ZIC2: variants seen among roughly 807,000 people sequenced by gnomAD.
ZIC2 encodes zinc finger protein ZIC 2.
ZIC2 carries 7 observed loss-of-function variants against 29.5 expected under a neutral mutation model. The observed-to-expected ratio is 0.24, with a 90% CI of 0.14 to 0.45. ZIC2 has a LOEUF of 0.45. ZIC2 is among the 20% of genes least tolerant of loss of function. The pLI is 1.00. For missense variants in ZIC2, 589 were observed against 781.2 expected, an observed-to-expected ratio of 0.75 and a Z score of 2.93; for synonymous variants, 408 against 354.2, an observed-to-expected ratio of 1.15 and a Z score of -1.70.
rs1342269270 is a variant in ZIC2 at position 99,986,546 on chromosome 13, ACC to A, written c.*866_*867del. On this transcript the variant is annotated 3_prime_UTR_variant, in exon 3 of 3. Transcript: ENST00000376335. The stretch of plus-strand genomic sequence containing the variant: ...TAATAACACCCTTCCTTCTGTAAAT[ACC>A]CGTTACCATATTTATCCATTTGTAA... 6.5e-6 allele frequency: 1 copy of A among 153,342 alleles called. No individual in the cohort carries two copies. The highest frequency in any genetic ancestry group is 1.5e-5 in the Non-Finnish European group (1 of 68,582). The allele number at this position is 153,342 out of a possible 1,614,324, so 9.5% of individuals were successfully genotyped here. A position where few individuals can be genotyped will look rare whatever the true frequency, so the allele number is the denominator to read the frequency against.
chr13:99,982,342 C>T lies in ZIC2; in HGVS notation c.278C>T (p.Ala93Val). The T allele has an allele frequency of 1.4e-6, 2 of 1,466,068 alleles. No individual in the cohort carries two copies. The highest frequency in any genetic ancestry group is 1.8e-6 in the Non-Finnish European group (2 of 1,111,728). 90.8% of individuals were successfully genotyped at this position (1,466,068 alleles called of 1,614,324 possible). A position where few individuals can be genotyped will look rare whatever the true frequency, so the allele number is the denominator to read the frequency against. ...TACCCCGGCTCCGCTGCGGCTGCCGCTGCGGCCGCAGCGCTCGGGCCCCAC... is the reference window on the plus strand; with the variant it reads ...TACCCCGGCTCCGCTGCGGCTGCCGTTGCGGCCGCAGCGCTCGGGCCCCAC... Reference protein sequence around the residue: ...GAYPGSAAAAAAAAALGPHAA... With the variant: ...GAYPGSAAAAVAAAALGPHAA... Residue 93 changes from alanine to valine, a missense_variant, in exon 1 of 3, where the codon GCT becomes GTT. By Grantham distance (64) the Ala-to-Val change is moderately conservative. Transcript: ENST00000376335.
At chr13:99,984,646 A>T (rs1010329195) in intron 1 of ZIC2, 12 of 425,736 alleles carry the variant, frequency 2.8e-5, no homozygotes, top group African/African-American at 2.4e-4. Flanking sequence ...AGAAGCTGCA[A>T]ATCCAAGAAG....
Position 99,986,184 on chromosome 13 carries a change from A to G in ZIC2, c.*502A>G, listed in dbSNP as rs2053268840. Reference sequence around the variant, plus strand: ...GATGGGCTTTCTCTTTTCTCTTTTTAGTTTACCCGGTTTCTTTTTAAGTAA... The same window carrying G: ...GATGGGCTTTCTCTTTTCTCTTTTTGGTTTACCCGGTTTCTTTTTAAGTAA... On this transcript the variant is annotated 3_prime_UTR_variant, in exon 3 of 3. Coordinates refer to ENST00000376335, the MANE Select transcript of ZIC2 (RefSeq NM_007129.5). 3.0e-6 allele frequency: 1 copy of G among 328,148 alleles called. No homozygotes were observed. The allele number at this position is 328,148 out of a possible 1,614,324, so 20.3% of individuals were successfully genotyped here.
At position 99,985,487 on chromosome 13, in the gene ZIC2, G is replaced by GGCC; in HGVS notation, c.1407_1409dup (p.Ala470dup). On this transcript the variant is annotated inframe_insertion, in exon 3 of 3. Transcript: ENST00000376335. The surrounding 1 kb of genome is among the most constrained non-coding windows in gnomAD (Gnocchi z 6.3). ...CGGCGGCGGCGGCTGCGGCGGCGGC[G>GGCC]GCCGCGGTGTCCGCGGTGCACCGGG... 1 of 1,251,448 alleles carries GGCC rather than the reference G, an allele frequency of 8.0e-7. No homozygotes were observed. The highest frequency in any genetic ancestry group is 9.9e-7 in the Non-Finnish European group (1 of 1,005,930). The allele number at this position is 1,251,448 out of a possible 1,614,324, so 77.5% of individuals were successfully genotyped here.
intron 1 of ZIC2, 77 bp from the exon 2 acceptor site, chr13:99,984,869 C>T (rs1006924617): frequency 1.1e-5 from 18 of 1,598,434 alleles, no homozygotes; most frequent in Non-Finnish European, 1.5e-5. Flanking sequence ...CGCCGCGGCC[C>T]AGCCCCCTCG....
chr13:99,984,630 C>T (rs2053253951), intron 1 of ZIC2: 2 of 401,858 alleles, frequency 5.0e-6, no homozygotes, highest in Non-Finnish European at 9.4e-6. Flanking sequence ...GCGAGAGCAA[C>T]TTGTTAGAAG....
Position 99,982,822 on chromosome 13 carries a change from A to G in ZIC2, c.758A>G (p.Lys253Arg), listed in dbSNP as rs1341541369. 1.2e-6 allele frequency: 2 copies of G among 1,612,870 alleles called. No individual in the cohort carries two copies. Among genetic ancestry groups the G allele is most frequent in the Non-Finnish European group, 8.5e-7 (1 of 1,180,024 alleles). ...FFRYMRQQCIKQELICKWIDP... is the reference protein window; with the variant it reads ...FFRYMRQQCIRQELICKWIDP... Reference sequence around the variant, plus strand: ...CGCTATATGCGGCAGCAGTGCATCAAGCAGGAGCTAATCTGCAAGTGGATC... The same window carrying G: ...CGCTATATGCGGCAGCAGTGCATCAGGCAGGAGCTAATCTGCAAGTGGATC... Residue 253 changes from lysine (K) to arginine (R), a missense_variant, in exon 1 of 3, where the codon AAG becomes AGG. Lys to Arg is a conservative substitution (Grantham distance 26, BLOSUM62 2). Transcript: ENST00000376335.
chr13:99,985,448 A>AGCGGCG lies in ZIC2; in HGVS notation c.1371_1376dup (p.Ala469_Ala470dup). On this transcript the variant is annotated inframe_insertion, in exon 3 of 3. Transcript: ENST00000376335. This position sits in a 1 kb window ranked among gnomAD's most constrained non-coding sequence, Gnocchi z 6.3. ...CCCAGAGCAGCTCCAACCTGTCCCC[A>AGCGGCG]GCGGCGGCGGCAGCGGCGGCGGCGG... The AGCGGCG allele has an allele frequency of 7.1e-7, 1 of 1,417,620 alleles. No individual in the cohort carries two copies. Among genetic ancestry groups the AGCGGCG allele is most frequent in the Non-Finnish European group, 9.1e-7 (1 of 1,094,114 alleles). The allele number at this position is 1,417,620 out of a possible 1,614,324, so 87.8% of individuals were successfully genotyped here.
In ZIC2 at chr13:99,986,066, T is replaced by G. The variant is rs778485507; in HGVS notation, c.*384T>G. ...ACTCCTCCTTTCTCCTCCGAGGTGGTTTTAAAGGCTTTTTGGTGTATAGAA... is the reference window on the plus strand; with the variant it reads ...ACTCCTCCTTTCTCCTCCGAGGTGGGTTTAAAGGCTTTTTGGTGTATAGAA... On this transcript the variant is annotated 3_prime_UTR_variant, in exon 3 of 3. Transcript: ENST00000376335. 2.2e-6 allele frequency: 1 copy of G among 455,434 alleles called. No individual in the cohort carries two copies. The highest frequency in any genetic ancestry group is 2.0e-5 in the African/African-American group (1 of 50,016). The allele number at this position is 455,434 out of a possible 1,614,324, so 28.2% of individuals were successfully genotyped here.
rs1320552521 is a variant in ZIC2, at chr13:99,985,944, C to A, written c.*262C>A. ...CAAATAAAAAATAAAAAAATAAAAACCCACAAAAATGTTGAACCAAACCTC... is the reference window on the plus strand; with the variant it reads ...CAAATAAAAAATAAAAAAATAAAAAACCACAAAAATGTTGAACCAAACCTC... On this transcript the variant is annotated 3_prime_UTR_variant, in exon 3 of 3. Coordinates refer to ENST00000376335, the MANE Select transcript of ZIC2 (RefSeq NM_007129.5). This position sits in a 1 kb window ranked among gnomAD's most constrained non-coding sequence, Gnocchi z 6.3. 7 of 389,004 alleles carry A rather than the reference C, an allele frequency of 1.8e-5. No individual in the cohort carries two copies. Among genetic ancestry groups the A allele is most frequent in the Admixed American group, 3.7e-5 (1 of 27,196 alleles). 24.1% of individuals were successfully genotyped at this position (389,004 alleles called of 1,614,324 possible). A position where few individuals can be genotyped will look rare whatever the true frequency, so the allele number is the denominator to read the frequency against.
chr13:99,985,494 G>A lies in ZIC2; in HGVS notation c.1411G>A (p.Val471Met). 8.2e-7 allele frequency: 1 copy of A among 1,216,662 alleles called. No homozygotes were observed. Among genetic ancestry groups the A allele is most frequent in the Non-Finnish European group, 1.0e-6 (1 of 985,206 alleles). The allele number at this position is 1,216,662 out of a possible 1,614,324, so 75.4% of individuals were successfully genotyped here. A position where few individuals can be genotyped will look rare whatever the true frequency, so the allele number is the denominator to read the frequency against. The change falls in exon 3 of 3, where the codon GTG (valine) becomes ATG (methionine). Residue 471 changes from valine (V) to methionine (M), a missense_variant. By Grantham distance (21) the Val-to-Met change is conservative. Transcript: ENST00000376335. The surrounding 1 kb of genome is among the most constrained non-coding windows in gnomAD (Gnocchi z 6.3). ...GGCGGCTGCGGCGGCGGCGGCCGCG[G>A]TGTCCGCGGTGCACCGGGGCGGAGG... ...AAAAAAAAAA[V>M]SAVHRGGGSG...
Position 99,982,142 on chromosome 13 carries a change from G to T in ZIC2, c.78G>T (p.Ala26=). 1 of 1,291,248 alleles carries T rather than the reference G, an allele frequency of 7.7e-7. No individual in the cohort carries two copies. Among genetic ancestry groups the T allele is most frequent in the Non-Finnish European group, 9.8e-7 (1 of 1,021,486 alleles). The allele number at this position is 1,291,248 out of a possible 1,614,324, so 80.0% of individuals were successfully genotyped here. A position where few individuals can be genotyped will look rare whatever the true frequency, so the allele number is the denominator to read the frequency against. ...CGCGCCACCATCACCACTCCGCCGC[G>T]GCGGCGGCGGCGGCTGCCGCCGAGA... ...SFARHHHHSA[A]AAAAAAAEMQ... The change falls in exon 1 of 3, where the codon GCG becomes GCT. Residue 26 remains alanine, a synonymous_variant. Coordinates refer to ENST00000376335, the MANE Select transcript of ZIC2 (RefSeq NM_007129.5).
chr13:99,982,156 C>T lies in ZIC2; in HGVS notation c.92C>T (p.Ala31Val), dbSNP rs1262984987. Residue 31 changes from alanine (A) to valine (V), a missense_variant, in exon 1 of 3, where the codon GCT (alanine) becomes GTT (valine). Physicochemically the swap from Ala to Val is moderately conservative, Grantham distance 64. Coordinates refer to ENST00000376335, the MANE Select transcript of ZIC2 (RefSeq NM_007129.5). ...CACTCCGCCGCGGCGGCGGCGGCGG[C>T]TGCCGCCGAGATGCAGGACCGTGAA... ...HHHSAAAAAA[A>V]AAEMQDRELS... 3 of 1,348,212 alleles carry T rather than the reference C, an allele frequency of 2.2e-6. No individual in the cohort carries two copies. The highest frequency in any genetic ancestry group is 1.9e-5 in the South Asian group (1 of 51,860). The allele number at this position is 1,348,212 out of a possible 1,614,324, so 83.5% of individuals were successfully genotyped here.
intron 1 of ZIC2, chr13:99,984,294 G>A (rs2152163243): frequency 6.4e-6 from 1 of 155,332 alleles, no homozygotes; most frequent in South Asian, 2.0e-4. Flanking sequence ...GGTTTTGAAA[G>A]GCTTTGCTGA....
In ZIC2 at chr13:99,982,602, C is replaced by T. The variant is rs1390053708; in HGVS notation, c.538C>T (p.Arg180Cys). Residue 180 changes from arginine (R) to cysteine (C), a missense_variant, in exon 1 of 3, where the codon CGC (arginine) becomes TGC (cysteine). Coordinates refer to ENST00000376335, the MANE Select transcript of ZIC2 (RefSeq NM_007129.5). ...GSQNVLNGQM[R>C]LGLPGEVFGR... ...GCAGAATGTGCTCAACGGGCAGATG[C>T]GCCTCGGGCTGCCCGGCGAGGTGTT... 2 of 1,581,194 alleles carry T rather than the reference C, an allele frequency of 1.3e-6. No homozygotes were observed. The highest frequency in any genetic ancestry group is 1.8e-5 in the Admixed American group (1 of 56,960).
In ZIC2 at chr13:99,983,991, G is replaced by T. The variant is rs1040217809; in HGVS notation, c.1075+852G>T. ...CCCCCGTCAATATTTACTCCGAAGTGGGGATGCGCCAGCGGCCTATTGTTC... is the reference window on the plus strand; with the variant it reads ...CCCCCGTCAATATTTACTCCGAAGTTGGGATGCGCCAGCGGCCTATTGTTC... On this transcript the variant is annotated intron_variant, in intron 1 of 2. Transcript: ENST00000376335. This position sits in a 1 kb window ranked among gnomAD's most constrained non-coding sequence, Gnocchi z 4.7. Among the ~76,000 whole-genome samples the T allele has an allele frequency of 6.6e-5, 10 of 152,258 alleles. No homozygotes were observed. Among genetic ancestry groups the T allele is most frequent in the Non-Finnish European group, 1.2e-4 (8 of 68,052 alleles).
chr13:99,985,523 G>A lies in ZIC2; in HGVS notation c.1440G>A (p.Ser480=). 7 of 1,023,948 alleles carry A rather than the reference G, an allele frequency of 6.8e-6. No individual in the cohort carries two copies. Among genetic ancestry groups the A allele is most frequent in the Non-Finnish European group, 8.2e-6 (7 of 858,342 alleles). 63.4% of individuals were successfully genotyped at this position (1,023,948 alleles called of 1,614,324 possible). A position where few individuals can be genotyped will look rare whatever the true frequency, so the allele number is the denominator to read the frequency against. Reference sequence around the variant, plus strand: ...CCGCGGTGCACCGGGGCGGAGGCTCGGGCAGTGGCGGCGCGGGAGGCGGCT... The same window carrying A: ...CCGCGGTGCACCGGGGCGGAGGCTCAGGCAGTGGCGGCGCGGGAGGCGGCT... ...AVSAVHRGGG[S]GSGGAGGGSG... is the part of the protein sequence containing the mutation. The change falls in exon 3 of 3, where the codon TCG becomes TCA. Residue 480 remains serine, a synonymous_variant. Coordinates refer to ENST00000376335, the MANE Select transcript of ZIC2 (RefSeq NM_007129.5). The surrounding 1 kb of genome is among the most constrained non-coding windows in gnomAD (Gnocchi z 6.3).
intron 1 of ZIC2, chr13:99,984,722 G>A: frequency 1.8e-6 from 1 of 556,202 alleles, no homozygotes; most frequent in Admixed American, 3.0e-5. Context: ...GGAGATGGAC[G>A]TCAGCCTGGA....
In ZIC2 at chr13:99,982,676, C is replaced by G; in HGVS notation, c.612C>G (p.Pro204=). 1.2e-6 allele frequency: 2 copies of G among 1,600,450 alleles called. No individual in the cohort carries two copies. Among genetic ancestry groups the G allele is most frequent in the Non-Finnish European group, 1.7e-6 (2 of 1,179,688 alleles). Residue 204 remains proline (P), a synonymous_variant, in exon 1 of 3, where the codon CCC becomes CCG. Coordinates refer to ENST00000376335, the MANE Select transcript of ZIC2 (RefSeq NM_007129.5). ...YRQVASPRTD[P]YSAAQLHNQY... ...AGGTGGCCAGCCCGCGGACCGACCC[C>G]TACTCGGCGGCGCAACTCCACAACC...
Sources: allele counts gnomAD v4.1 joint callset (sites outside exome capture counted in the v4.1 genomes callset), GRCh38; gene constraint gnomAD v4.1.1; non-coding constraint Gnocchi (gnomAD v3.1); transcripts MANE v1.5; gene names NCBI Gene and HGNC (gene_info 2026-07-23, HGNC 2026-07-21).